The following SYT1 variants were observed in gnomAD, a reference collection of about 807,000 sequenced individuals.
SYT1 encodes the protein synaptotagmin-1.
A neutral mutation model predicts 44.8 loss-of-function variants in SYT1; 8 were observed. The ratio of observed to expected loss-of-function variants is 0.18; its 90% CI spans 0.10 to 0.32. SYT1 has a LOEUF of 0.32. Ranked by LOEUF, SYT1 falls within the 10% of genes least tolerant of loss-of-function variation. SYT1 has a pLI of 1.00. For synonymous variants in SYT1, 154 were observed against 188.8 expected, an observed-to-expected ratio of 0.82 and a Z score of 1.51; for missense variants, 286 against 509.3, an observed-to-expected ratio of 0.56 and a Z score of 4.22.
chr12:79,385,225 G>A (rs1054271494), intron 9 of SYT1, among the ~76,000 whole-genome samples: 1 of 151,886 alleles, frequency 6.6e-6, no homozygotes, highest in African/African-American at 2.4e-5. Context: ...GCCCTCAAGT[G>A]ATCTGCCAGC....
At chr12:79,228,794 T>G (rs780403545) in intron 4 of SYT1, among the ~76,000 whole-genome samples, 2 of 152,168 alleles carry the variant, frequency 1.3e-5, no homozygotes, top group Non-Finnish European at 2.9e-5. Flanking sequence ...AGCCAGCACT[T>G]CACTACACCA....
chr12:79,289,529 T>G (rs1342652050), intron 5 of SYT1, among the ~76,000 whole-genome samples: 1 of 152,194 alleles, frequency 6.6e-6, no homozygotes. Context: ...GAGATGGTCC[T>G]GCCTTCTATT....
At chr12:79,266,559 G>GA (rs1255678782) in intron 4 of SYT1, among the ~76,000 whole-genome samples, 1 of 151,988 alleles carries the variant, frequency 6.6e-6, no homozygotes. Flanking sequence ...GATGGTAAAA[G>GA]AAAAAAATCA....
chr12:79,320,648 CT>C (rs746685561), intron 8 of SYT1, among the ~76,000 whole-genome samples: 1,963 of 128,716 alleles, frequency 0.015, 15 homozygotes, highest in African/African-American at 0.039. Flanking sequence ...TCTTTTTCCC[CT>C]TTTTTTTTTT....
chr12:79,260,012 A>G (rs897103149), intron 4 of SYT1, among the ~76,000 whole-genome samples: 1 of 152,088 alleles, frequency 6.6e-6, no homozygotes, highest in African/African-American at 2.4e-5. Context: ...TTTAGCTGCG[A>G]TTGTTCTCTT....
At chr12:79,019,075 T>C (rs1872005698) in intron 2 of SYT1, among the ~76,000 whole-genome samples, 1 of 152,042 alleles carries the variant, frequency 6.6e-6, no homozygotes, top group African/African-American at 2.4e-5. Context: ...CAATTTTATA[T>C]TTCTTTATAT....
At chr12:79,166,890 C>A (rs1393079187) in intron 3 of SYT1, among the ~76,000 whole-genome samples, 2 of 151,946 alleles carry the variant, frequency 1.3e-5, no homozygotes, top group Non-Finnish European at 2.9e-5. Flanking sequence ...AAATTTAATT[C>A]CTCTGTGTCA....
chr12:79,025,010 G>T (rs1017978958), intron 2 of SYT1, among the ~76,000 whole-genome samples: 10 of 151,742 alleles, frequency 6.6e-5, no homozygotes, highest in Admixed American at 6.6e-4. Context: ...CTTATAAGAT[G>T]CTTCTTTAGG....
At chr12:78,957,209 C>T (rs1177282099) in intron 1 of SYT1, among the ~76,000 whole-genome samples, 1 of 152,116 alleles carries the variant, frequency 6.6e-6, no homozygotes, top group African/African-American at 2.4e-5. Flanking sequence ...TGGCTCATGC[C>T]TGAAATCCCA....
intron 3 of SYT1, among the ~76,000 whole-genome samples, chr12:79,178,808 G>T (rs950884690): frequency 6.7e-6 from 1 of 149,222 alleles, no homozygotes; most frequent in African/African-American, 2.5e-5. Flanking sequence ...ATGGAATTTC[G>T]CTCTTATAGC....
chr12:78,891,342 A>T (rs552116898), intron 1 of SYT1, among the ~76,000 whole-genome samples: 5 of 152,070 alleles, frequency 3.3e-5, no homozygotes, highest in Admixed American at 2.6e-4. Flanking sequence ...AGAGAAAGTC[A>T]TCGATTTGGT....
chr12:79,376,682 C>T lies in SYT1; in HGVS notation c.928+23063C>T, dbSNP rs149252077. Among the ~76,000 whole-genome samples the T allele has an allele frequency of 2.0e-4, 30 of 152,310 alleles. No individual in the cohort carries two copies. The South Asian group carries it at 3.5e-3, about 18-fold the overall frequency. On this transcript the variant is annotated intron_variant, in intron 9 of 10. Transcript: ENST00000261205. ...TGGAGTTGCTCTGGTTCACACACAT[C>T]TGACATAAATGGGCAATTTTCTAGT...
At chr12:78,934,909 C>T (rs1466836880) in intron 1 of SYT1, among the ~76,000 whole-genome samples, 6 of 152,012 alleles carry the variant, frequency 3.9e-5, no homozygotes, top group Non-Finnish European at 2.9e-5. Context: ...TGCTTTCTGC[C>T]CTTAGAGAAA....
chr12:79,049,610 G>T (rs965544427), intron 3 of SYT1, among the ~76,000 whole-genome samples: 3 of 151,990 alleles, frequency 2.0e-5, no homozygotes, highest in East Asian at 3.9e-4. Context: ...CTAAAGGCTC[G>T]TGAGTTAGTG....
intron 3 of SYT1, among the ~76,000 whole-genome samples, chr12:79,110,650 G>T (rs1878962295): frequency 6.6e-6 from 1 of 151,996 alleles, no homozygotes; most frequent in Non-Finnish European, 1.5e-5. Context: ...TCTTCATATG[G>T]CAGTCTGATT....
intron 5 of SYT1, among the ~76,000 whole-genome samples, chr12:79,290,948 A>G (rs1173912657): frequency 1.3e-5 from 2 of 152,204 alleles, no homozygotes; most frequent in Non-Finnish European, 2.9e-5. Flanking sequence ...TTTAATTTTG[A>G]ATAATGACTG....
intron 2 of SYT1, among the ~76,000 whole-genome samples, chr12:79,033,324 C>G (rs1017112702): frequency 1.3e-5 from 2 of 151,322 alleles, no homozygotes; most frequent in Non-Finnish European, 3.0e-5. Context: ...CCAATTGCTT[C>G]CTCTAGTGAA....
intron 4 of SYT1, among the ~76,000 whole-genome samples, chr12:79,251,192 T>C (rs576378063): frequency 1.2e-4 from 19 of 152,266 alleles, no homozygotes; most frequent in African/African-American, 4.3e-4. Context: ...ATCTCCTGAC[T>C]CACCAGACCT....
In SYT1 at chr12:78,892,781, A is replaced by G. The variant is rs139406330; in HGVS notation, c.-217+27672A>G. 4.7e-3 allele frequency among the ~76,000 whole-genome samples: 714 copies of G among 151,944 alleles called. 5 individuals are homozygous for G. Among genetic ancestry groups the G allele is most frequent in the African/African-American group, 0.016 (680 of 41,532 alleles). ...ATCACCCAAAATAATCTCAAGGGAA[A>G]AAGTTTAATGACAAATAACGGTAAA... On this transcript the variant is annotated intron_variant, in intron 1 of 10. Transcript: ENST00000261205.
Sources: allele counts gnomAD v4.1 joint callset (sites outside exome capture counted in the v4.1 genomes callset), GRCh38; gene constraint gnomAD v4.1.1; transcripts MANE v1.5; gene names NCBI Gene and HGNC (gene_info 2026-07-23, HGNC 2026-07-21).